The following LYPLAL1 variants were observed in gnomAD, a reference collection of about 807,000 sequenced individuals.
LYPLAL1 encodes the protein lysophospholipase like 1.
Under a neutral mutation model 19.7 loss-of-function variants are expected in LYPLAL1, and 23 were observed. The observed-to-expected ratio is 1.17, with a 90% CI of 0.84 to 1.65. The LOEUF (loss-of-function observed/expected upper bound fraction) is 1.65. Ranked by LOEUF, LYPLAL1 falls within the 40% of genes most tolerant of loss-of-function variation. The pLI is 0.00. For synonymous variants in LYPLAL1, 119 were observed against 96.3 expected (o/e 1.24, Z -1.38); for missense variants, 355 against 279.4 (o/e 1.27, Z -1.93).
chr1:219,289,873 T>C, the LYPLAL1 span, among the ~76,000 whole-genome samples: 8 of 152,230 alleles, frequency 5.3e-5, no homozygotes, highest in Admixed American at 5.2e-4. Flanking sequence ...CTGATATTAA[T>C]GCCCCTTGGC....
the LYPLAL1 span, among the ~76,000 whole-genome samples, chr1:219,412,550 G>A: frequency 4.3e-3 from 648 of 152,282 alleles, 7 homozygotes; most frequent in African/African-American, 0.015. Context: ...CACAGCAAAA[G>A]CTCCATTAAT....
the LYPLAL1 span, among the ~76,000 whole-genome samples, chr1:219,233,503 C>T: frequency 6.6e-6 from 1 of 152,184 alleles, no homozygotes; most frequent in Non-Finnish European, 1.5e-5. Flanking sequence ...CATGCTGGCT[C>T]ACGCCTGTAA....
chr1:219,250,014 C>G, the LYPLAL1 span, among the ~76,000 whole-genome samples: 1 of 151,878 alleles, frequency 6.6e-6, no homozygotes, highest in African/African-American at 2.4e-5. Flanking sequence ...TAAGAAACTA[C>G]TAATGTTAAT....
the LYPLAL1 span, among the ~76,000 whole-genome samples, chr1:219,275,009 T>A: frequency 6.6e-6 from 1 of 152,224 alleles, no homozygotes; most frequent in Non-Finnish European, 1.5e-5. Context: ...CCCTTCAGTC[T>A]GATGAAAATC....
the LYPLAL1 span, among the ~76,000 whole-genome samples, chr1:219,386,478 T>C: frequency 6.6e-6 from 1 of 152,186 alleles, no homozygotes; most frequent in Non-Finnish European, 1.5e-5. Flanking sequence ...GCCAGAGTTC[T>C]CCCAGTGGCT....
chr1:219,223,055 G>A, the LYPLAL1 span: 1 of 151,868 alleles, frequency 6.6e-6, no homozygotes, highest in East Asian at 1.9e-4. Flanking sequence ...GATCTTGGAG[G>A]GACACATACA....
the LYPLAL1 span, among the ~76,000 whole-genome samples, chr1:219,229,225 G>A: frequency 6.6e-6 from 1 of 150,908 alleles, no homozygotes; most frequent in Non-Finnish European, 1.5e-5. Context: ...TAAATGATAC[G>A]GAAGCGGGGA....
chr1:219,381,127 G>T, the LYPLAL1 span, among the ~76,000 whole-genome samples: 1,274 of 152,288 alleles, frequency 8.4e-3, 9 homozygotes, highest in Non-Finnish European at 0.011. Context: ...GAGGGACCGG[G>T]TGGGAGGTAA....
At chr1:219,233,272 C>A in the LYPLAL1 span, among the ~76,000 whole-genome samples, 2 of 152,056 alleles carry the variant, frequency 1.3e-5, no homozygotes, top group Non-Finnish European at 2.9e-5. Flanking sequence ...AAAAGGACAA[C>A]CACTTATTTG....
At chr1:219,324,211 A>C in the LYPLAL1 span, among the ~76,000 whole-genome samples, 15,010 of 152,296 alleles carry the variant, frequency 0.099, 821 homozygotes, top group Non-Finnish European at 0.11. Flanking sequence ...CTGATTCTTA[A>C]TTCTCACTCT....
chr1:219,394,635 T>C, the LYPLAL1 span, among the ~76,000 whole-genome samples: 4 of 152,236 alleles, frequency 2.6e-5, no homozygotes, highest in Admixed American at 2.0e-4. Context: ...TTCTTTCTTT[T>C]AGCTTTTATT....
the LYPLAL1 span, among the ~76,000 whole-genome samples, chr1:219,236,525 T>C: frequency 6.6e-6 from 1 of 152,262 alleles, no homozygotes; most frequent in Non-Finnish European, 1.5e-5. Context: ...AATCCCTAAC[T>C]GTCAATAAGA....
chr1:219,176,942 G>A (rs1655868759), intron 1 of LYPLAL1, among the ~76,000 whole-genome samples: 1 of 152,204 alleles, frequency 6.6e-6, no homozygotes, highest in African/African-American at 2.4e-5. Flanking sequence ...TGGAGCTTAT[G>A]TTCTAATGAA....
the LYPLAL1 span, among the ~76,000 whole-genome samples, chr1:219,290,688 T>C: frequency 3.3e-5 from 5 of 152,272 alleles, no homozygotes; most frequent in African/African-American, 1.2e-4. Context: ...TTCACCACTT[T>C]ACTTTCTTAA....
the LYPLAL1 span, among the ~76,000 whole-genome samples, chr1:219,257,330 T>C: frequency 6.7e-6 from 1 of 149,734 alleles, no homozygotes; most frequent in African/African-American, 2.4e-5. Flanking sequence ...TCTACTTTGG[T>C]TGATTTTAAA....
At chr1:219,256,301 T>C in the LYPLAL1 span, among the ~76,000 whole-genome samples, 4 of 151,960 alleles carry the variant, frequency 2.6e-5, no homozygotes, top group Non-Finnish European at 5.9e-5. Context: ...TCAAGAAATG[T>C]GTACATTTTA....
At chr1:219,245,248 T>A in the LYPLAL1 span, among the ~76,000 whole-genome samples, 7 of 146,202 alleles carry the variant, frequency 4.8e-5, no homozygotes, top group African/African-American at 1.8e-4. Flanking sequence ...ACAGTTCAGA[T>A]CCTTAGAGGG....
the LYPLAL1 span, among the ~76,000 whole-genome samples, chr1:219,268,951 G>C: frequency 1.3e-5 from 2 of 152,198 alleles, no homozygotes; most frequent in African/African-American, 4.8e-5. Context: ...TGAAGTAATT[G>C]TTTATTCTCA....
chr1:219,209,775 A>G (rs1040716640), intron 3 of LYPLAL1, among the ~76,000 whole-genome samples: 2 of 152,088 alleles, frequency 1.3e-5, no homozygotes, highest in South Asian at 4.1e-4. Context: ...CCGTCACCTC[A>G]TAACAGCTAT....
Sources: gnomAD v4.1 joint callset for allele counts (sites outside exome capture counted in the v4.1 genomes callset) on GRCh38, gnomAD v4.1.1 for gene constraint, MANE v1.5 for transcripts, NCBI Gene and HGNC (gene_info 2026-07-23, HGNC 2026-07-21) for gene names.